DOCK2: variants seen among roughly 807,000 people sequenced by gnomAD.
The protein encoded by DOCK2 is dedicator of cytokinesis protein 2.
DOCK2 carries 87 observed loss-of-function variants against 248.9 expected under a neutral mutation model. The observed-to-expected ratio is 0.35, with a 90% CI of 0.29 to 0.42. DOCK2 has a LOEUF of 0.42. DOCK2 is among the 10% of genes least tolerant of loss of function. The probability of loss-of-function intolerance (pLI) is 1.00; values close to 1 mark genes in which losing one functional copy is unlikely to be tolerated. For synonymous variants in DOCK2, 805 were observed against 821.6 expected (o/e 0.98, Z 0.35); for missense variants, 1,747 against 2,300.2 (o/e 0.76, Z 4.92).
intron 27 of DOCK2, chr5:169,883,409 C>T: frequency 6.4e-7 from 1 of 1,551,668 alleles, no homozygotes; most frequent in Non-Finnish European, 8.7e-7. Context: ...GACACCTTGA[C>T]CCTTCGAGGC....
At chr5:169,784,069 G>A (rs1474418040) in intron 25 of DOCK2, among the ~76,000 whole-genome samples, 1 of 152,090 alleles carries the variant, frequency 6.6e-6, no homozygotes, top group Non-Finnish European at 1.5e-5. Flanking sequence ...GGATGTGCAG[G>A]TATATATTTT....
intron 27 of DOCK2, among the ~76,000 whole-genome samples, chr5:169,903,920 C>T (rs1466732292): frequency 8.6e-5 from 13 of 151,672 alleles, no homozygotes; most frequent in Admixed American, 2.0e-4. Context: ...GCCAACATGG[C>T]GAAGCTCTGC....
rs373428643 is a variant in DOCK2 at position 170,034,530 on chromosome 5, G to A, written c.3599G>A (p.Arg1200His). The change falls in exon 35 of 52, where the codon CGC becomes CAC. Residue 1200 changes from arginine to histidine, a missense_variant. Coordinates refer to ENST00000520908, the MANE Select transcript of DOCK2 (RefSeq NM_004946.3). The stretch of plus-strand genomic sequence containing the variant: ...ATGACAGATGAGAGCAAAGACAACC[G>A]CATGAGCTGCACCGTGAACCTGCTG... The part of the protein sequence containing the change: ...GVMTDESKDN[R>H]MSCTVNLLNF... The A allele has an allele frequency of 4.3e-5, 70 of 1,613,988 alleles. No homozygotes were observed. Among genetic ancestry groups the A allele is most frequent in the Middle Eastern group, 3.3e-4 (2 of 6,082 alleles).
At chr5:169,684,442 C>T (rs1759840575) in intron 8 of DOCK2, 92 bp downstream of exon 8, 4 of 1,484,408 alleles carry the variant, frequency 2.7e-6, no homozygotes, top group Non-Finnish European at 3.6e-6. Context: ...GGAGCAATCT[C>T]CACCTGGAAA....
intron 27 of DOCK2, among the ~76,000 whole-genome samples, chr5:169,909,457 AG>A (rs1774471796): frequency 6.6e-6 from 1 of 152,222 alleles, no homozygotes; most frequent in South Asian, 2.1e-4. Context: ...TTTTTGAAGA[AG>A]AAAGTCTAAA....
At position 170,055,536 on chromosome 5, in the gene DOCK2, A is replaced by G. The variant is rs563825569; in HGVS notation, c.4295+150A>G. On this transcript the variant is annotated intron_variant, in intron 42 of 51. Coordinates refer to ENST00000520908, the MANE Select transcript of DOCK2 (RefSeq NM_004946.3). ...CCCCCCTTTTCCTCTTGGGCAAAGA[A>G]TCACCCTCCAATTAGCTGGGCTCTG... The G allele has an allele frequency of 7.0e-6, 5 of 710,328 alleles. No individual in the cohort carries two copies. In the South Asian group the frequency reaches 9.2e-5, roughly 13 times the overall value. 44.0% of individuals were successfully genotyped at this position (710,328 alleles called of 1,614,324 possible). A position where few individuals can be genotyped will look rare whatever the true frequency, so the allele number is the denominator to read the frequency against.
At chr5:169,720,979 C>T (rs1231058362) in intron 22 of DOCK2, among the ~76,000 whole-genome samples, 3 of 152,234 alleles carry the variant, frequency 2.0e-5, no homozygotes, top group Non-Finnish European at 4.4e-5. Flanking sequence ...ACCTCGGCCT[C>T]CCAAAGTGCT....
chr5:169,851,646 T>C (rs1488764636), intron 27 of DOCK2, among the ~76,000 whole-genome samples: 1 of 152,200 alleles, frequency 6.6e-6, no homozygotes, highest in African/African-American at 2.4e-5. Flanking sequence ...CTGCCCAAGA[T>C]TGAGTAATTT....
chr5:169,981,856 C>T (rs1217495679), intron 27 of DOCK2, among the ~76,000 whole-genome samples: 1 of 152,108 alleles, frequency 6.6e-6, no homozygotes, highest in Non-Finnish European at 1.5e-5. Context: ...ACTTAATAGA[C>T]TACAATAGAG....
intron 22 of DOCK2, among the ~76,000 whole-genome samples, chr5:169,722,086 A>G (rs1332851653): frequency 1.3e-5 from 2 of 152,246 alleles, no homozygotes; most frequent in African/African-American, 2.4e-5. Flanking sequence ...AATATCCACT[A>G]GGCTTTTGTA....
At chr5:169,925,656 G>GA (rs1775408093) in intron 27 of DOCK2, among the ~76,000 whole-genome samples, 1 of 149,046 alleles carries the variant, frequency 6.7e-6, no homozygotes, top group Non-Finnish European at 1.5e-5. Flanking sequence ...TTGGTTGTGT[G>GA]ACCTGTGGGA....
At chr5:170,017,984 C>G (rs992572438) in intron 32 of DOCK2, among the ~76,000 whole-genome samples, 2 of 152,196 alleles carry the variant, frequency 1.3e-5, no homozygotes, top group Non-Finnish European at 2.9e-5. Flanking sequence ...TTTTCTCATT[C>G]AGCAGGTGTT....
At chr5:169,725,100 A>C (rs1243825905) in intron 22 of DOCK2, among the ~76,000 whole-genome samples, 3 of 152,224 alleles carry the variant, frequency 2.0e-5, no homozygotes, top group Non-Finnish European at 4.4e-5. Context: ...TGCCTGTGAC[A>C]TTGAGATTCC....
At chr5:169,821,169 A>T (rs781339748) in intron 26 of DOCK2, among the ~76,000 whole-genome samples, 52 of 152,232 alleles carry the variant, frequency 3.4e-4, no homozygotes, top group Non-Finnish European at 6.2e-4. Flanking sequence ...TGACGTAGAG[A>T]ATGAAACCAA....
At chr5:169,742,346 C>G (rs1392514159) in intron 22 of DOCK2, among the ~76,000 whole-genome samples, 1 of 152,152 alleles carries the variant, frequency 6.6e-6, no homozygotes, top group African/African-American at 2.4e-5. Flanking sequence ...TTCGAGCAAC[C>G]TTATGGGGCT....
intron 25 of DOCK2, among the ~76,000 whole-genome samples, chr5:169,788,865 G>A (rs1056111793): frequency 2.6e-5 from 4 of 152,084 alleles, no homozygotes; most frequent in Admixed American, 2.6e-4. Flanking sequence ...TGAAGTTCAG[G>A]GGTCCATGTG....
intron 27 of DOCK2, among the ~76,000 whole-genome samples, chr5:169,855,993 G>GGA (rs909879973): frequency 2.0e-5 from 3 of 152,142 alleles, no homozygotes; most frequent in Non-Finnish European, 2.9e-5. Context: ...CATGGCAGCA[G>GGA]GAGAGAGAGA....
At chr5:169,928,410 C>T (rs1359558959) in intron 27 of DOCK2, among the ~76,000 whole-genome samples, 3 of 152,226 alleles carry the variant, frequency 2.0e-5, no homozygotes, top group Admixed American at 6.5e-5. Context: ...CAGAATGCCC[C>T]GCTGTTTTCA....
chr5:169,909,274 G>T (rs1479632899), intron 27 of DOCK2, among the ~76,000 whole-genome samples: 1 of 152,132 alleles, frequency 6.6e-6, no homozygotes, highest in Admixed American at 6.5e-5. Context: ...TGCATTTCAA[G>T]TGCTAATAGC....
Sources: gnomAD v4.1 joint callset for allele counts (sites outside exome capture counted in the v4.1 genomes callset) on GRCh38, gnomAD v4.1.1 for gene constraint, MANE v1.5 for transcripts, NCBI Gene and HGNC (gene_info 2026-07-23, HGNC 2026-07-21) for gene names.